Variants in PSD3 observed in about 807,000 individuals in gnomAD.
The protein encoded by PSD3 is pleckstrin and Sec7 domain containing 3, also known as PH and SEC7 domain-containing protein 3.
A neutral mutation model predicts 105.5 loss-of-function variants in PSD3; 49 were observed. The observed-to-expected ratio is 0.46, with a 90% CI of 0.37 to 0.59. PSD3 has a LOEUF of 0.59. Ranked by LOEUF, PSD3 falls within the 20% of genes least tolerant of loss-of-function variation. PSD3 has a pLI of 0.00. For synonymous variants in PSD3, 557 were observed against 457.8 expected (o/e 1.22, Z -2.77); for missense variants, 1,561 against 1,263.8 (o/e 1.24, Z -3.57).
intron 11 of PSD3, among the ~76,000 whole-genome samples, chr8:18,615,847 G>A (rs1377138428): frequency 6.6e-6 from 1 of 152,148 alleles, no homozygotes; most frequent in Non-Finnish European, 1.5e-5. Flanking sequence ...CGAAGACCCT[G>A]CTGTGCACGC....
intron 1 of PSD3, among the ~76,000 whole-genome samples, chr8:18,942,862 T>C (rs1349639466): frequency 6.6e-6 from 1 of 152,176 alleles, no homozygotes; most frequent in African/African-American, 2.4e-5. Context: ...AGGCTACAGA[T>C]TAGAGGGCAA....
At chr8:18,737,026 AG>A (rs1315241832) in intron 9 of PSD3, among the ~76,000 whole-genome samples, 2 of 152,224 alleles carry the variant, frequency 1.3e-5, no homozygotes, top group African/African-American at 2.4e-5. Context: ...AAATGTGAAA[AG>A]GACTTCAAAG....
intron 1 of PSD3, among the ~76,000 whole-genome samples, chr8:18,987,246 G>C (rs1825548023): frequency 6.6e-6 from 1 of 151,176 alleles, no homozygotes; most frequent in African/African-American, 2.4e-5. Context: ...GGAAATAAAT[G>C]AGATTTATTT....
chr8:19,077,721 T>C (rs1829504096), intron 1 of PSD3, among the ~76,000 whole-genome samples: 1 of 152,218 alleles, frequency 6.6e-6, no homozygotes, highest in Admixed American at 6.5e-5. Context: ...CTTTGTAATA[T>C]ATTAGGATCA....
chr8:18,860,475 G>T (rs1015174820), intron 4 of PSD3, among the ~76,000 whole-genome samples: 4 of 151,674 alleles, frequency 2.6e-5, no homozygotes, highest in African/African-American at 9.7e-5. Context: ...AAAAAACAGA[G>T]TATCTTCAAA....
chr8:18,758,405 A>G (rs1002153750), intron 9 of PSD3, among the ~76,000 whole-genome samples: 2 of 145,262 alleles, frequency 1.4e-5, no homozygotes, highest in African/African-American at 5.3e-5. Context: ...GAGATGGGTC[A>G]GTTTTACTCT....
At chr8:18,822,541 C>T (rs753856517) in intron 4 of PSD3, among the ~76,000 whole-genome samples, 2 of 152,202 alleles carry the variant, frequency 1.3e-5, no homozygotes, top group Non-Finnish European at 2.9e-5. Context: ...AAGTCTGTGA[C>T]CTGGCTGTGA....
At chr8:18,829,970 T>C (rs1286754709) in intron 4 of PSD3, among the ~76,000 whole-genome samples, 2 of 152,190 alleles carry the variant, frequency 1.3e-5, no homozygotes, top group African/African-American at 4.8e-5. Context: ...AACTTTATTT[T>C]ATTTTATTTT....
intron 1 of PSD3, among the ~76,000 whole-genome samples, chr8:18,952,972 G>C (rs1162659258): frequency 2.0e-5 from 3 of 152,150 alleles, no homozygotes; most frequent in Admixed American, 6.6e-5. Context: ...TATCAACTGT[G>C]AGTAAACATC....
At chr8:18,799,611 A>C (rs1035392770) in intron 7 of PSD3, among the ~76,000 whole-genome samples, 1 of 152,224 alleles carries the variant, frequency 6.6e-6, no homozygotes, top group African/African-American at 2.4e-5. Context: ...AAAGCCTTCA[A>C]ACAATGTCTT....
chr8:18,916,400 A>G (rs947182477), intron 2 of PSD3, among the ~76,000 whole-genome samples: 2 of 146,124 alleles, frequency 1.4e-5, no homozygotes, highest in Admixed American at 1.4e-4. Flanking sequence ...ATACAGCCTT[A>G]AAAATAAAGA....
intron 1 of PSD3, among the ~76,000 whole-genome samples, chr8:18,974,455 G>T (rs959647106): frequency 2.0e-5 from 3 of 152,144 alleles, no homozygotes; most frequent in Non-Finnish European, 4.4e-5. Flanking sequence ...CTGCCTTTAA[G>T]AGAGAAAAAG....
intron 14 of PSD3, among the ~76,000 whole-genome samples, chr8:18,571,112 C>T (rs2465886): frequency 0.6 from 90,649 of 151,728 alleles, 28,000 homozygotes; most frequent in Non-Finnish European, 0.7. Flanking sequence ...CTGCCCACCT[C>T]GGCTTCCAAA....
intron 8 of PSD3, among the ~76,000 whole-genome samples, chr8:18,782,752 G>T (rs1255146873): frequency 6.6e-6 from 1 of 152,170 alleles, no homozygotes; most frequent in Non-Finnish European, 1.5e-5. Flanking sequence ...GCAGCAGAGG[G>T]CTAACTTGGG....
chr8:18,977,259 C>CAA (rs36071554), intron 1 of PSD3, among the ~76,000 whole-genome samples: 6,022 of 112,964 alleles, frequency 0.053, 256 homozygotes, highest in African/African-American at 0.095. Flanking sequence ...CACCCTATCT[C>CAA]AAAAAAAAAA....
At chr8:18,655,931 C>T (rs1808860417) in intron 9 of PSD3, among the ~76,000 whole-genome samples, 1 of 152,210 alleles carries the variant, frequency 6.6e-6, no homozygotes, top group African/African-American at 2.4e-5. Flanking sequence ...AGGCACAGTA[C>T]TGTACTACAT....
rs1424706313 is a variant in PSD3, at chr8:18,896,167, A to G, written c.131-23434T>C. On this transcript the variant is annotated intron_variant, in intron 2 of 15. Coordinates refer to ENST00000327040, the MANE Select transcript of PSD3 (RefSeq NM_015310.4). ...AGAATTTCATTCTTTGTTACTGCAA[A>G]AGAGTATTCTATTGTGTGTATATAC... Among the ~76,000 whole-genome samples the G allele has an allele frequency of 4.6e-5, 7 of 152,218 alleles. No individual in the cohort carries two copies. In the East Asian group the frequency reaches 1.3e-3, roughly 29 times the overall value.
chr8:18,840,248 C>A lies in PSD3; in HGVS notation c.1634+27426G>T, dbSNP rs1023300182. On this transcript the variant is annotated intron_variant, in intron 4 of 15. Transcript: ENST00000327040. ...AGCAGCTAAGCCTCAAACCCTCAAT[C>A]ACTCTGAGTAATAGGTGGGGAAGTT... Among the ~76,000 whole-genome samples the A allele has an allele frequency of 3.3e-5, 5 of 152,172 alleles. No homozygotes were observed. The East Asian group carries it at 9.6e-4, about 29-fold the overall frequency.
intron 4 of PSD3, among the ~76,000 whole-genome samples, chr8:18,833,204 G>A (rs1813816656): frequency 6.6e-6 from 1 of 152,146 alleles, no homozygotes; most frequent in African/African-American, 2.4e-5. Flanking sequence ...AAAGCCCCAG[G>A]CAAGATAACA....
Sources: allele counts gnomAD v4.1 joint callset (sites outside exome capture counted in the v4.1 genomes callset), GRCh38; gene constraint gnomAD v4.1.1; transcripts MANE v1.5; gene names NCBI Gene and HGNC (gene_info 2026-07-23, HGNC 2026-07-21).